Variants in CLSTN2 observed in about 807,000 individuals in gnomAD.
The protein encoded by CLSTN2 is calsyntenin-2.
Under a neutral mutation model 101.2 loss-of-function variants are expected in CLSTN2, and 48 were observed. The ratio of observed to expected loss-of-function variants is 0.47; its 90% confidence interval spans 0.38 to 0.60. The LOEUF is 0.60. Ranked by LOEUF, CLSTN2 falls within the 20% of genes least tolerant of loss-of-function variation. The probability of loss-of-function intolerance (pLI) is 0.00; values close to 1 mark genes in which losing one functional copy is unlikely to be tolerated. For synonymous variants in CLSTN2, 481 were observed against 463.6 expected (o/e 1.04, Z -0.48); for missense variants, 1,160 against 1,238.2 (o/e 0.94, Z 0.95).
At chr3:140,495,863 G>A (rs758249566) in intron 8 of CLSTN2, among the ~76,000 whole-genome samples, 32 of 152,176 alleles carry the variant, frequency 2.1e-4, no homozygotes, top group Non-Finnish European at 4.3e-4. Flanking sequence ...TTTGGTTACT[G>A]TACCCTTGTA....
intron 2 of CLSTN2, among the ~76,000 whole-genome samples, chr3:140,380,656 C>A (rs1380336855): frequency 2.0e-5 from 3 of 152,232 alleles, no homozygotes; most frequent in African/African-American, 4.8e-5. Context: ...CTCTGCCTCA[C>A]TGACTGGGCA....
chr3:140,304,530 G>A (rs1464052854), intron 2 of CLSTN2, among the ~76,000 whole-genome samples: 7 of 152,154 alleles, frequency 4.6e-5, no homozygotes, highest in African/African-American at 1.4e-4. Flanking sequence ...ATCCCACCAT[G>A]AGGGCCCCAC....
intron 2 of CLSTN2, among the ~76,000 whole-genome samples, chr3:140,182,789 C>T (rs1200993136): frequency 1.3e-5 from 2 of 152,128 alleles, no homozygotes; most frequent in Non-Finnish European, 2.9e-5. Context: ...ACCTTGATGC[C>T]CCAGTTCTGT....
chr3:140,493,082 A>G (rs1173759711), intron 8 of CLSTN2, among the ~76,000 whole-genome samples: 1 of 152,200 alleles, frequency 6.6e-6, no homozygotes, highest in Non-Finnish European at 1.5e-5. Context: ...ATTTACAACC[A>G]AGACCTTTGG....
At chr3:139,966,558 C>T (rs1281335982) in intron 1 of CLSTN2, among the ~76,000 whole-genome samples, 1 of 152,170 alleles carries the variant, frequency 6.6e-6, no homozygotes, top group Non-Finnish European at 1.5e-5. Context: ...AGGCCTCACC[C>T]CTTTTAGAAA....
At chr3:140,485,861 C>T (rs181455810) in intron 8 of CLSTN2, among the ~76,000 whole-genome samples, 2 of 152,186 alleles carry the variant, frequency 1.3e-5, no homozygotes, top group Non-Finnish European at 2.9e-5. Context: ...GTCTGTCACC[C>T]CTTTCTTTGA....
At chr3:140,183,602 G>A (rs929919201) in intron 2 of CLSTN2, among the ~76,000 whole-genome samples, 1 of 152,132 alleles carries the variant, frequency 6.6e-6, no homozygotes, top group African/African-American at 2.4e-5. Flanking sequence ...TTAGAAACAG[G>A]TGCCCCTTCT....
At chr3:140,425,367 C>T (rs1051463243) in intron 5 of CLSTN2, among the ~76,000 whole-genome samples, 12 of 152,226 alleles carry the variant, frequency 7.9e-5, no homozygotes, top group Non-Finnish European at 1.5e-4. Context: ...ATTGCCCCTT[C>T]CATGGGCAGG....
At chr3:139,939,176 T>C (rs1318228113) in intron 1 of CLSTN2, among the ~76,000 whole-genome samples, 1 of 152,114 alleles carries the variant, frequency 6.6e-6, no homozygotes, top group African/African-American at 2.4e-5. Flanking sequence ...GGAGCAGAAT[T>C]ATAACAACAG....
chr3:140,078,483 G>A (rs1034623445), intron 1 of CLSTN2, among the ~76,000 whole-genome samples: 14 of 152,256 alleles, frequency 9.2e-5, no homozygotes, highest in South Asian at 4.2e-4. Flanking sequence ...ATTGCAAACC[G>A]ACAGCAGCCT....
intron 2 of CLSTN2, among the ~76,000 whole-genome samples, chr3:140,353,946 A>G (rs191719672): frequency 1.3e-5 from 2 of 152,304 alleles, no homozygotes; most frequent in East Asian, 1.9e-4. Flanking sequence ...GTGCTGAACT[A>G]CAAGAGTGGG....
chr3:140,485,765 A>T (rs1934228523), intron 8 of CLSTN2, among the ~76,000 whole-genome samples: 1 of 152,090 alleles, frequency 6.6e-6, no homozygotes, highest in Non-Finnish European at 1.5e-5. Flanking sequence ...CATGCGCAGG[A>T]TATAATATCC....
intron 2 of CLSTN2, among the ~76,000 whole-genome samples, chr3:140,183,515 A>C (rs2010439571): frequency 6.6e-6 from 1 of 152,232 alleles, no homozygotes; most frequent in African/African-American, 2.4e-5. Context: ...ATACTCTACT[A>C]AAACAAGATG....
At chr3:140,015,275 T>C (rs2007178454) in intron 1 of CLSTN2, among the ~76,000 whole-genome samples, 1 of 152,104 alleles carries the variant, frequency 6.6e-6, no homozygotes, top group Non-Finnish European at 1.5e-5. Flanking sequence ...GTACACAGAG[T>C]ATACCCCTAG....
intron 1 of CLSTN2, among the ~76,000 whole-genome samples, chr3:139,951,194 A>C (rs142192623): frequency 1.3e-3 from 193 of 152,260 alleles, no homozygotes; most frequent in Non-Finnish European, 2.4e-3. Context: ...CCCCTCCACC[A>C]CACATGCACT....
At chr3:140,031,317 C>G (rs967663242) in intron 1 of CLSTN2, among the ~76,000 whole-genome samples, 3 of 152,178 alleles carry the variant, frequency 2.0e-5, no homozygotes, top group African/African-American at 2.4e-5. Context: ...GCATGAAATT[C>G]TGAATTAGTG....
At chr3:140,400,727 AG>A (rs1227157854) in intron 2 of CLSTN2, among the ~76,000 whole-genome samples, 1 of 151,808 alleles carries the variant, frequency 6.6e-6, no homozygotes, top group East Asian at 1.9e-4. Context: ...CAGAGACAGA[AG>A]AGATTAAAAC....
At chr3:140,200,024 C>T (rs1030185897) in intron 2 of CLSTN2, among the ~76,000 whole-genome samples, 3 of 152,126 alleles carry the variant, frequency 2.0e-5, no homozygotes, top group African/African-American at 7.2e-5. Flanking sequence ...GCTGGTGGCT[C>T]GCTGGGTACC....
At chr3:139,959,236 G>A (rs1935461647) in intron 1 of CLSTN2, among the ~76,000 whole-genome samples, 2 of 152,142 alleles carry the variant, frequency 1.3e-5, no homozygotes, top group African/African-American at 4.8e-5. Flanking sequence ...TGGAGACCGT[G>A]TCTCCTTCTT....
Sources: gnomAD v4.1 joint callset for allele counts (sites outside exome capture counted in the v4.1 genomes callset) on GRCh38, gnomAD v4.1.1 for gene constraint, MANE v1.5 for transcripts, NCBI Gene and HGNC (gene_info 2026-07-23, HGNC 2026-07-21) for gene names.